The following ACSM3 variants were observed in gnomAD, a reference collection of about 807,000 sequenced individuals.
The protein encoded by ACSM3 is acyl-coenzyme A synthetase ACSM3, mitochondrial.
A neutral mutation model predicts 74.1 loss-of-function variants in ACSM3; 61 were observed. That is an observed-to-expected ratio of 0.82 (90% CI 0.67 to 1.02). The LOEUF is 1.02. Among genes scored for constraint, ACSM3 ranks in the 50% least tolerant of loss-of-function variants. The probability of loss-of-function intolerance (pLI) is 0.00; values close to 1 mark genes in which losing one functional copy is unlikely to be tolerated. For missense variants in ACSM3, 660 were observed against 697.0 expected, an observed-to-expected ratio of 0.95 and a Z score of 0.60; for synonymous variants, 213 against 241.5, an observed-to-expected ratio of 0.88 and a Z score of 1.09.
chr16:20,794,545 TG>T lies in ACSM3; in HGVS notation c.1555-1823del, dbSNP rs1249027431. Among the ~76,000 whole-genome samples the T allele has an allele frequency of 3.9e-5, 6 of 152,222 alleles. No homozygotes were observed. The East Asian group carries it at 9.6e-4, about 24-fold the overall frequency. ...CGTGGCTAGCAGCTATCATATTGAATGGCACAGCCATAGACTTTTCTCAGAA... is the reference window on the plus strand; with the variant it reads ...CGTGGCTAGCAGCTATCATATTGAATGCACAGCCATAGACTTTTCTCAGAA... On this transcript the variant is annotated intron_variant, in intron 12 of 13. Coordinates refer to ENST00000289416, the MANE Select transcript of ACSM3 (RefSeq NM_005622.4).
chr16:20,770,952 A>T (rs2080185642), intron 2 of ACSM3, among the ~76,000 whole-genome samples: 1 of 151,968 alleles, frequency 6.6e-6, no homozygotes, highest in Admixed American at 6.6e-5. Flanking sequence ...AACTGTTTTC[A>T]CTCTACAGTG....
chr16:20,728,514 A>G (rs2079814653), intron 1 of ACSM3: 1 of 912,302 alleles, frequency 1.1e-6, no homozygotes, highest in Non-Finnish European at 1.7e-6. Flanking sequence ...AGTGCTAGTC[A>G]TGTCTTAATA....
chr16:20,795,788 A>C (rs972817526), intron 12 of ACSM3, among the ~76,000 whole-genome samples: 7 of 152,340 alleles, frequency 4.6e-5, no homozygotes, highest in African/African-American at 1.7e-4. Flanking sequence ...ACAGGACTCC[A>C]AATTTACTTT....
intron 1 of ACSM3, among the ~76,000 whole-genome samples, chr16:20,731,387 T>A (rs2079829503): frequency 6.6e-6 from 1 of 152,190 alleles, no homozygotes; most frequent in African/African-American, 2.4e-5. Context: ...GACCTGTAAA[T>A]AGAACTTAGC....
intron 3 of ACSM3, among the ~76,000 whole-genome samples, chr16:20,757,445 T>C (rs1380468781): frequency 6.6e-6 from 1 of 151,772 alleles, no homozygotes; most frequent in African/African-American, 2.4e-5. Flanking sequence ...TTGTCTATTA[T>C]TGGTGTATAA....
At chr16:20,762,375 A>C (rs1196387582), upstream of ACSM3, among the ~76,000 whole-genome samples, 2 of 152,138 alleles carry the variant, frequency 1.3e-5, no homozygotes, top group Non-Finnish European at 2.9e-5. Flanking sequence ...AATTTACTCA[A>C]CCTGAACAAA....
chr16:20,791,683 T>C (rs1376616271), intron 10 of ACSM3, among the ~76,000 whole-genome samples: 1 of 152,142 alleles, frequency 6.6e-6, no homozygotes, highest in African/African-American at 2.4e-5. Context: ...TCTCAGCACT[T>C]TGGGAGGCCA....
At chr16:20,714,431 A>C (rs1179032226) in intron 1 of ACSM3, among the ~76,000 whole-genome samples, 1 of 152,168 alleles carries the variant, frequency 6.6e-6, no homozygotes, top group Non-Finnish European at 1.5e-5. Context: ...GGATTAAATT[A>C]AATTAAATAG....
intron 4 of ACSM3, among the ~76,000 whole-genome samples, chr16:20,778,164 T>G (rs2080278796): frequency 6.6e-6 from 1 of 152,212 alleles, no homozygotes; most frequent in Non-Finnish European, 1.5e-5. Context: ...AACACTGGTA[T>G]CAGGTTAAAA....
chr16:20,737,723 T>TCA, intron 1 of ACSM3: 1 of 1,607,652 alleles, frequency 6.2e-7, no homozygotes, highest in Non-Finnish European at 8.5e-7. Context: ...AATTCTCTGA[T>TCA]AACTTCTTCT....
chr16:20,754,723 GACCACCAACAAAT>G (rs1172740615), intron 2 of ACSM3, among the ~76,000 whole-genome samples: 2 of 152,086 alleles, frequency 1.3e-5, no homozygotes, highest in Non-Finnish European at 2.9e-5. Context: ...TTGAGTTTAG[GACCACCAACAAAT>G]ACCATGTGCA....
rs1181283481 is a variant in ACSM3, at chr16:20,685,848, A to C, written c.-190+11026A>C. On this transcript the variant is annotated intron_variant, in intron 1 of 3. Coordinates refer to the ACSM3 transcript ENST00000561584. ...AAAAAAAAACAAACAAAAAAAAAACAAAAAACTTATAGCATCAGGAGAGGT... is the reference window on the plus strand; with the variant it reads ...AAAAAAAAACAAACAAAAAAAAAACCAAAAACTTATAGCATCAGGAGAGGT... Among the ~76,000 whole-genome samples, 3 of 123,788 alleles carry C rather than the reference A, an allele frequency of 2.4e-5. 1 individual carries two copies. Among genetic ancestry groups the C allele is most frequent in the African/African-American group, 8.0e-5 (3 of 37,376 alleles). 81.2% of individuals were successfully genotyped at this position (123,788 alleles called of 152,430 possible).
intron 2 of ACSM3, among the ~76,000 whole-genome samples, chr16:20,770,970 A>C (rs2080185858): frequency 6.6e-6 from 1 of 152,136 alleles, no homozygotes; most frequent in Non-Finnish European, 1.5e-5. Flanking sequence ...GTGCTATAGA[A>C]CACTAGAACT....
At chr16:20,676,540 C>G (rs1034394337) in intron 1 of ACSM3, among the ~76,000 whole-genome samples, 1 of 152,232 alleles carries the variant, frequency 6.6e-6, no homozygotes, top group African/African-American at 2.4e-5. Flanking sequence ...TTAGAAGCTC[C>G]GTAGGTGTGA....
intron 1 of ACSM3, among the ~76,000 whole-genome samples, chr16:20,723,641 T>C (rs2079794156): frequency 6.6e-6 from 1 of 152,236 alleles, no homozygotes; most frequent in Non-Finnish European, 1.5e-5. Flanking sequence ...CCAGTGATGA[T>C]GAGCATTTTT....
intron 1 of ACSM3, among the ~76,000 whole-genome samples, chr16:20,692,994 C>A (rs992799588): frequency 6.6e-6 from 1 of 151,898 alleles, no homozygotes; most frequent in Non-Finnish European, 1.5e-5. Flanking sequence ...CATGATGAAA[C>A]CCTGTCTCTA....
At chr16:20,782,930 G>A (rs555545977) in intron 7 of ACSM3, among the ~76,000 whole-genome samples, 1 of 152,340 alleles carries the variant, frequency 6.6e-6, no homozygotes, top group Non-Finnish European at 1.5e-5. Flanking sequence ...TGGAGTGGGG[G>A]TGCACTACCT....
upstream of ACSM3, among the ~76,000 whole-genome samples, chr16:20,759,149 C>G (rs1445283139): frequency 1.3e-5 from 2 of 152,178 alleles, no homozygotes; most frequent in African/African-American, 2.4e-5. Context: ...CCCACCCCAC[C>G]ACCACGCCAC....
chr16:20,747,227 G>A (rs188137717), intron 1 of ACSM3, among the ~76,000 whole-genome samples: 19 of 152,274 alleles, frequency 1.2e-4, no homozygotes, highest in Admixed American at 1.0e-3. Context: ...GAGCAGGGAT[G>A]AGAAAAACAA....
Sources: allele counts gnomAD v4.1 joint callset (sites outside exome capture counted in the v4.1 genomes callset), GRCh38; gene constraint gnomAD v4.1.1; transcripts MANE v1.5; gene names NCBI Gene and HGNC (gene_info 2026-07-23, HGNC 2026-07-21).